Variants in DISP1 observed in about 807,000 individuals in gnomAD.
DISP1 encodes the protein dispatched RND transporter family member 1, also known as protein dispatched homolog 1.
A neutral mutation model predicts 37.3 loss-of-function variants in DISP1; 30 were observed. The ratio of observed to expected loss-of-function variants is 0.80; its 90% CI spans 0.60 to 1.09. The LOEUF (loss-of-function observed/expected upper bound fraction) is 1.09, where lower values mean the gene tolerates loss of function less well. DISP1 is among the 50% of genes least tolerant of loss of function. The pLI is 0.00. For missense variants in DISP1, 1,598 were observed against 1,879.5 expected (o/e 0.85, Z 2.77); for synonymous variants, 634 against 690.2 (o/e 0.92, Z 1.28).
intron 1 of DISP1, among the ~76,000 whole-genome samples, chr1:222,903,291 A>C: frequency 1.0e-5 from 1 of 98,612 alleles, no homozygotes; most frequent in African/African-American, 4.0e-5. Flanking sequence ...CACTCCGGGG[A>C]CTGTTGTGGG....
chr1:222,996,239 C>T (rs1051458073), intron 8 of DISP1, among the ~76,000 whole-genome samples: 2 of 152,112 alleles, frequency 1.3e-5, no homozygotes, highest in Admixed American at 1.3e-4. Context: ...GGCTATGAAC[C>T]TATTTCTCTT....
At chr1:222,959,869 G>A (rs1198679014) in intron 3 of DISP1, among the ~76,000 whole-genome samples, 1 of 146,888 alleles carries the variant, frequency 6.8e-6, no homozygotes, top group Non-Finnish European at 1.5e-5. Flanking sequence ...AACCAACAAA[G>A]ATCAAAAAAG....
chr1:222,900,710 A>T (rs925739526), intron 1 of DISP1, among the ~76,000 whole-genome samples: 2 of 152,218 alleles, frequency 1.3e-5, no homozygotes, highest in African/African-American at 4.8e-5. Context: ...CAAATTAGAG[A>T]TAAGAGATCA....
intron 7 of DISP1, among the ~76,000 whole-genome samples, chr1:222,993,484 G>T (rs1678847437): frequency 6.6e-6 from 1 of 152,094 alleles, no homozygotes; most frequent in Admixed American, 6.6e-5. Context: ...AACACTAGAT[G>T]ACCTGATTGG....
At position 222,898,790 on chromosome 1, in the gene DISP1, C is replaced by T. The variant is rs191519232; in HGVS notation, c.-158-29640C>T. On this transcript the variant is annotated intron_variant, in intron 1 of 8. Coordinates refer to ENST00000675850, the MANE Select transcript of DISP1 (RefSeq NM_001377229.1). ...AGTGTTTAATAGATAATGTATGAGG[C>T]TGCTTTCAGGGTTTGGTTATATTAT... is the stretch of plus-strand genomic sequence containing the variant. Among the ~76,000 whole-genome samples the T allele has an allele frequency of 3.0e-3, 449 of 152,202 alleles. 3 individuals carry two copies. The highest frequency in any genetic ancestry group is 0.01 in the African/African-American group (436 of 41,540).
At chr1:222,840,811 C>T (rs1157267367) in intron 1 of DISP1, among the ~76,000 whole-genome samples, 2 of 151,982 alleles carry the variant, frequency 1.3e-5, no homozygotes, top group Non-Finnish European at 2.9e-5. Context: ...ATCCGCCCAC[C>T]TCGGCCTCCC....
At chr1:222,987,028 A>G (rs1678326339) in intron 4 of DISP1, among the ~76,000 whole-genome samples, 1 of 150,952 alleles carries the variant, frequency 6.6e-6, no homozygotes, top group African/African-American at 2.4e-5. Context: ...TTTCAAAGAG[A>G]ATAATGCACA....
At chr1:222,936,086 T>G (rs1024128071) in intron 2 of DISP1, among the ~76,000 whole-genome samples, 1 of 152,216 alleles carries the variant, frequency 6.6e-6, no homozygotes, top group African/African-American at 2.4e-5. Flanking sequence ...TTATTTTTTA[T>G]TATTCATGTT....
At chr1:222,921,623 A>G (rs17536209) in intron 1 of DISP1, among the ~76,000 whole-genome samples, 17,288 of 152,240 alleles carry the variant, frequency 0.11, 1,346 homozygotes, top group Non-Finnish European at 0.16. Context: ...TGTGGGGCCC[A>G]TATAAATCAG....
intron 1 of DISP1, among the ~76,000 whole-genome samples, chr1:222,831,727 C>T (rs1665794110): frequency 6.6e-6 from 1 of 151,938 alleles, no homozygotes; most frequent in African/African-American, 2.4e-5. Flanking sequence ...GACAAAGTAC[C>T]CAGTAGAGGA....
chr1:222,954,875 G>T (rs1198172974), intron 3 of DISP1, among the ~76,000 whole-genome samples: 1 of 151,566 alleles, frequency 6.6e-6, no homozygotes, highest in Non-Finnish European at 1.5e-5. Flanking sequence ...TAAAATAAAT[G>T]AACAGGAGTG....
In DISP1 at chr1:222,994,867, T is replaced by C; in HGVS notation, c.890-18T>C. ...ATTTATAAACCTTTTTCTTTCCTTT[T>C]TTTTTTCATATCACCAGGTGACCGA... On this transcript the variant is annotated intron_variant, in intron 7 of 8. Coordinates refer to ENST00000675850, the MANE Select transcript of DISP1 (RefSeq NM_001377229.1). 1.3e-6 allele frequency: 2 copies of C among 1,559,954 alleles called. No individual in the cohort carries two copies. Among genetic ancestry groups the C allele is most frequent in the Non-Finnish European group, 8.8e-7 (1 of 1,132,902 alleles).
intron 1 of DISP1, among the ~76,000 whole-genome samples, chr1:222,867,340 T>A (rs1293017638): frequency 6.6e-6 from 1 of 152,230 alleles, no homozygotes; most frequent in Admixed American, 6.5e-5. Context: ...GCTGCTTCAA[T>A]GAATTGACCA....
chr1:222,923,719 G>T (rs114320079), intron 1 of DISP1, among the ~76,000 whole-genome samples: 3 of 152,110 alleles, frequency 2.0e-5, no homozygotes, highest in Non-Finnish European at 2.9e-5. Flanking sequence ...AATCACAGCC[G>T]CATTATAAGC....
intron 7 of DISP1, among the ~76,000 whole-genome samples, chr1:222,993,249 G>A (rs893171869): frequency 6.6e-6 from 1 of 152,150 alleles, no homozygotes; most frequent in Non-Finnish European, 1.5e-5. Context: ...GTAACATGGA[G>A]TCAGCCTGAT....
Position 223,004,813 on chromosome 1 carries a change from C to T in DISP1, c.3416C>T (p.Thr1139Ile), listed in dbSNP as rs760771357. 5.4e-5 allele frequency: 87 copies of T among 1,611,566 alleles called. No homozygotes were observed. Among genetic ancestry groups the T allele is most frequent in the Non-Finnish European group, 6.9e-5 (81 of 1,179,988 alleles). ...CMCRCLGPQG[T>I]CGQIPLPKKL... The stretch of plus-strand genomic sequence containing the variant: ...TGCCGGTGCCTTGGACCACAGGGTA[C>T]CTGTGGTCAGATTCCTTTACCTAAA... The change falls in exon 9 of 9, where the codon ACC (threonine) becomes ATC (isoleucine). Residue 1139 changes from threonine to isoleucine, a missense_variant. Physicochemically the swap from Thr to Ile is moderately conservative, Grantham distance 89 (BLOSUM62 -1). Coordinates refer to ENST00000675850, the MANE Select transcript of DISP1 (RefSeq NM_001377229.1). The surrounding 1 kb of genome is among the most constrained non-coding windows in gnomAD (Gnocchi z 4.9).
At chr1:222,890,185 G>A (rs1287591820) in intron 1 of DISP1, among the ~76,000 whole-genome samples, 1 of 152,132 alleles carries the variant, frequency 6.6e-6, no homozygotes, top group Non-Finnish European at 1.5e-5. Flanking sequence ...TCATTAGTGA[G>A]CAAAACATTT....
chr1:222,938,361 C>T (rs1449369934), intron 2 of DISP1, among the ~76,000 whole-genome samples: 2 of 151,266 alleles, frequency 1.3e-5, no homozygotes, highest in African/African-American at 2.4e-5. Context: ...ACTTATACTT[C>T]CTCTATCTTA....
At position 222,992,166 on chromosome 1, in the gene DISP1, G is replaced by C. The variant is rs2102747675; in HGVS notation, c.889+56G>C. On this transcript the variant is annotated intron_variant, in intron 7 of 8. Coordinates refer to ENST00000675850, the MANE Select transcript of DISP1 (RefSeq NM_001377229.1). Reference sequence around the variant, plus strand: ...CAGCAGTTTGCTCGCATTTAAAATTGAACATGATCACAGTCTAGACTGATA... The same window carrying C: ...CAGCAGTTTGCTCGCATTTAAAATTCAACATGATCACAGTCTAGACTGATA... The C allele has an allele frequency of 3.7e-6, 5 of 1,347,934 alleles. No homozygotes were observed. In the East Asian group the frequency reaches 1.2e-4, roughly 31 times the overall value. The allele number at this position is 1,347,934 out of a possible 1,614,324, so 83.5% of individuals were successfully genotyped here.
Sources: allele counts gnomAD v4.1 joint callset (sites outside exome capture counted in the v4.1 genomes callset), GRCh38; gene constraint gnomAD v4.1.1; non-coding constraint Gnocchi (gnomAD v3.1); transcripts MANE v1.5; gene names NCBI Gene and HGNC (gene_info 2026-07-23, HGNC 2026-07-21).